Variants in LRBA observed in about 807,000 individuals in gnomAD.
LRBA encodes the protein LPS responsive beige-like anchor protein.
LRBA carries 176 observed loss-of-function variants against 330.0 expected under a neutral mutation model. That is an observed-to-expected ratio of 0.53 (90% CI 0.47 to 0.60). The LOEUF (loss-of-function observed/expected upper bound fraction) is 0.60. LRBA is among the 20% of genes least tolerant of loss of function. The pLI, the probability that LRBA is intolerant of heterozygous loss-of-function variation, is 0.00. For missense variants in LRBA, 3,259 were observed against 3,444.8 expected (o/e 0.95, Z 1.35); for synonymous variants, 1,230 against 1,193.0 (o/e 1.03, Z -0.64).
intron 40 of LRBA, among the ~76,000 whole-genome samples, chr4:150,509,792 TCATAAA>T (rs910637348): frequency 1.3e-5 from 2 of 152,132 alleles, no homozygotes; most frequent in African/African-American, 4.8e-5. Context: ...TAAGGGGATA[TCATAAA>T]CAAATAGTTT....
chr4:150,282,936 C>T (rs1413052253), intron 54 of LRBA, among the ~76,000 whole-genome samples: 1 of 152,180 alleles, frequency 6.6e-6, no homozygotes, highest in African/African-American at 2.4e-5. Flanking sequence ...ACAGGCAATA[C>T]AAACTGGAGG....
intron 40 of LRBA, among the ~76,000 whole-genome samples, chr4:150,507,071 TAA>T (rs1761187987): frequency 6.6e-6 from 1 of 151,418 alleles, no homozygotes; most frequent in Admixed American, 6.6e-5. Context: ...CTCAATGAAA[TAA>T]AAGAGGATAC....
intron 47 of LRBA, among the ~76,000 whole-genome samples, chr4:150,380,555 T>G (rs1172847893): frequency 2.0e-5 from 3 of 151,748 alleles, no homozygotes; most frequent in Non-Finnish European, 4.4e-5. Flanking sequence ...ACTAAAAGTT[T>G]GAGATGAGAA....
At chr4:150,684,170 G>A (rs28379788) in intron 36 of LRBA, among the ~76,000 whole-genome samples, 13,606 of 152,208 alleles carry the variant, frequency 0.089, 1,060 homozygotes, top group African/African-American at 0.2. Flanking sequence ...AAAGTTTTAC[G>A]CAGTGAAGTG....
chr4:150,833,968 T>C (rs1747601902), intron 28 of LRBA, among the ~76,000 whole-genome samples: 1 of 152,216 alleles, frequency 6.6e-6, no homozygotes, highest in Admixed American at 6.5e-5. Flanking sequence ...ATGGATTCCA[T>C]TGTAGGAAAC....
At chr4:150,489,497 TA>T (rs561491781) in intron 41 of LRBA, among the ~76,000 whole-genome samples, 17 of 39,424 alleles carry the variant, frequency 4.3e-4, no homozygotes, top group African/African-American at 9.6e-4. Context: ...TATAATATAT[TA>T]TATATAAGAA....
rs1359515104 is a variant in LRBA at position 150,282,618 on chromosome 4, A to C, written c.8148T>G (p.Asn2716Lys). ...QEGPCLIHSM[N>K]GDLLRTLEGP... ...CCTCCAAGGTCCTCAACAAGTCTCC[A>C]TTCATGGAATGTATGAGACATGGTC... is the stretch of plus-strand genomic sequence containing the variant. Residue 2716 changes from asparagine (N) to lysine (K), a missense_variant, in exon 55 of 57, where the codon AAT (asparagine) becomes AAG (lysine). Transcript: ENST00000651943. 2 of 1,612,250 alleles carry C rather than the reference A, an allele frequency of 1.2e-6. No individual in the cohort carries two copies. Among genetic ancestry groups the C allele is most frequent in the Non-Finnish European group, 1.7e-6 (2 of 1,179,022 alleles).
At chr4:150,366,839 C>A (rs572244736) in intron 47 of LRBA, among the ~76,000 whole-genome samples, 9 of 152,278 alleles carry the variant, frequency 5.9e-5, no homozygotes, top group African/African-American at 2.2e-4. Flanking sequence ...AAAAAGGAAG[C>A]TTTCCCTTTC....
chr4:150,433,068 G>A (rs1750644328), intron 46 of LRBA, among the ~76,000 whole-genome samples: 1 of 152,106 alleles, frequency 6.6e-6, no homozygotes, highest in African/African-American at 2.4e-5. Context: ...AAAAATATCA[G>A]TAGGCTTCAC....
chr4:150,572,730 G>A (rs1325981404), intron 40 of LRBA, among the ~76,000 whole-genome samples: 1 of 152,104 alleles, frequency 6.6e-6, no homozygotes, highest in Admixed American at 6.6e-5. Flanking sequence ...TCAGTTAAAG[G>A]TTGGGCGATT....
At chr4:150,933,554 A>G (rs1734740770) in intron 2 of LRBA, among the ~76,000 whole-genome samples, 1 of 152,152 alleles carries the variant, frequency 6.6e-6, no homozygotes, top group African/African-American at 2.4e-5. Flanking sequence ...ACATAGACCT[A>G]TGCATGTGCT....
chr4:150,945,101 C>A (rs1736103405), intron 2 of LRBA, among the ~76,000 whole-genome samples: 1 of 152,106 alleles, frequency 6.6e-6, no homozygotes, highest in African/African-American at 2.4e-5. Context: ...TGAAAATGGA[C>A]TAATACAACT....
chr4:150,677,505 T>C (rs541504721), intron 37 of LRBA, among the ~76,000 whole-genome samples: 3 of 152,358 alleles, frequency 2.0e-5, no homozygotes, highest in South Asian at 4.1e-4. Context: ...CATAAGTTTA[T>C]TTTATTCCTT....
intron 40 of LRBA, among the ~76,000 whole-genome samples, chr4:150,551,263 G>A (rs542455630): frequency 1.4e-4 from 21 of 152,218 alleles, no homozygotes; most frequent in Middle Eastern, 6.8e-3. Context: ...TAAATTACTA[G>A]TCTCTGGTAT....
rs756646674 is a variant in LRBA, at chr4:150,798,142, C to T, written c.5519G>A (p.Ser1840Asn). ...HGQELLIEGT[S>N]LVCMKSSSSV... ...ACTACTCGACTTCATGCAAACCAGA[C>T]CTATTTTAAAGAGAATTTTAAAAAA... The change falls in exon 34 of 57, where the codon AGT becomes AAT. Residue 1840 changes from serine to asparagine, a missense_variant and splice_region_variant. Coordinates refer to ENST00000651943, the MANE Select transcript of LRBA (RefSeq NM_001364905.1). 1 of 1,594,726 alleles carries T rather than the reference C, an allele frequency of 6.3e-7. No individual in the cohort carries two copies. The highest frequency in any genetic ancestry group is 8.6e-7 in the Non-Finnish European group (1 of 1,162,626).
At chr4:150,486,539 T>C (rs1012695780) in intron 42 of LRBA, among the ~76,000 whole-genome samples, 2 of 151,934 alleles carry the variant, frequency 1.3e-5, no homozygotes, top group Admixed American at 1.3e-4. Flanking sequence ...TTTTGATATA[T>C]TCATATTTCA....
rs751058963 is a variant in LRBA at position 150,277,953 on chromosome 4, C to T, written c.8368G>A (p.Gly2790Arg). The T allele has an allele frequency of 6.2e-7, 1 of 1,614,154 alleles. No homozygotes were observed. The highest frequency in any genetic ancestry group is 8.5e-7 in the Non-Finnish European group (1 of 1,180,028). ...GQYLLTGGDR[G>R]VVVVRQVSDL... ...GACACCTGCCGGACCACGACCACTC[C>T]TCTGTCTCCTCCTGTGAGCAGGTAC... Residue 2790 changes from glycine (G) to arginine (R), a missense_variant, in exon 56 of 57, where the codon GGA becomes AGA. By Grantham distance (125) the Gly-to-Arg change is moderately radical (BLOSUM62 -2). Transcript: ENST00000651943.
intron 11 of LRBA, among the ~76,000 whole-genome samples, chr4:150,906,655 G>A (rs951056201): frequency 1.3e-5 from 2 of 152,036 alleles, no homozygotes; most frequent in Non-Finnish European, 2.9e-5. Context: ...TAGAAACAAT[G>A]ACAAATGTTC....
At chr4:151,012,107 C>T (rs918848094) in intron 2 of LRBA, among the ~76,000 whole-genome samples, 10 of 152,238 alleles carry the variant, frequency 6.6e-5, no homozygotes, top group African/African-American at 1.7e-4. Flanking sequence ...ACCTGACAAG[C>T]GAATGATATT....
Sources: allele counts gnomAD v4.1 joint callset (sites outside exome capture counted in the v4.1 genomes callset), GRCh38; gene constraint gnomAD v4.1.1; transcripts MANE v1.5; gene names NCBI Gene and HGNC (gene_info 2026-07-23, HGNC 2026-07-21).